The following BCKDHB variants were observed in gnomAD, a reference collection of about 807,000 sequenced individuals.
BCKDHB encodes the protein 2-oxoisovalerate dehydrogenase subunit beta, mitochondrial.
In BCKDHB, 41 loss-of-function variants were observed where a neutral mutation model predicts 48.5. That is an observed-to-expected ratio of 0.85 (90% CI 0.66 to 1.10). BCKDHB has a LOEUF of 1.10. BCKDHB is among the 50% of genes least tolerant of loss of function. The pLI is 0.00. For missense variants in BCKDHB, 496 were observed against 494.2 expected, an observed-to-expected ratio of 1.00 and a Z score of -0.03; for synonymous variants, 201 against 174.8, an observed-to-expected ratio of 1.15 and a Z score of -1.18.
At chr6:80,179,367 G>C (rs759466264) in intron 6 of BCKDHB, among the ~76,000 whole-genome samples, 1 of 152,076 alleles carries the variant, frequency 6.6e-6, no homozygotes, top group Non-Finnish European at 1.5e-5. Context: ...GAAAATATTT[G>C]AAAAAATAAT....
chr6:80,257,952 A>G (rs933672707), intron 8 of BCKDHB, among the ~76,000 whole-genome samples: 1 of 152,056 alleles, frequency 6.6e-6, no homozygotes, highest in African/African-American at 2.4e-5. Context: ...TAACTATTTG[A>G]CACCTCAAAT....
At chr6:80,260,881 A>G (rs1644220921) in intron 8 of BCKDHB, among the ~76,000 whole-genome samples, 1 of 152,214 alleles carries the variant, frequency 6.6e-6, no homozygotes, top group Admixed American at 6.5e-5. Flanking sequence ...TTGGAAAAAA[A>G]AGATCATTTT....
At chr6:80,364,332 G>A in the BCKDHB span, among the ~76,000 whole-genome samples, 1 of 152,266 alleles carries the variant, frequency 6.6e-6, no homozygotes, top group Admixed American at 6.5e-5. Context: ...TGGCAGCCAA[G>A]AGGCCTGCAG....
At chr6:80,389,048 T>A in the BCKDHB span, among the ~76,000 whole-genome samples, 1 of 152,092 alleles carries the variant, frequency 6.6e-6, no homozygotes, top group Non-Finnish European at 1.5e-5. Context: ...GGGGAAGAGA[T>A]ATGTGGATGG....
intron 9 of BCKDHB, among the ~76,000 whole-genome samples, chr6:80,302,527 A>C (rs546096676): frequency 6.6e-6 from 1 of 152,156 alleles, no homozygotes; most frequent in Admixed American, 6.5e-5. Context: ...AACATGAGAC[A>C]TGTTAGAGGA....
At chr6:80,379,577 G>C in the BCKDHB span, among the ~76,000 whole-genome samples, 1 of 151,964 alleles carries the variant, frequency 6.6e-6, no homozygotes, top group African/African-American at 2.4e-5. Flanking sequence ...ATTCAACATA[G>C]TACTGGTAGC....
At chr6:80,419,045 A>T in the BCKDHB span, among the ~76,000 whole-genome samples, 2 of 152,138 alleles carry the variant, frequency 1.3e-5, no homozygotes, top group Non-Finnish European at 2.9e-5. Context: ...TTAGCATCAG[A>T]GCACAGTGCT....
chr6:80,356,962 C>A, the BCKDHB span: 1 of 101,144 alleles, frequency 9.9e-6, no homozygotes, highest in South Asian at 5.4e-4. Flanking sequence ...GCCCCCCCCC[C>A]ACACACACGA....
chr6:80,164,961 G>A (rs79972175), intron 3 of BCKDHB, among the ~76,000 whole-genome samples: 2,347 of 152,272 alleles, frequency 0.015, 28 homozygotes, highest in Non-Finnish European at 0.023. Context: ...TCATGTTGAA[G>A]CACTTTTTGC....
chr6:80,139,638 G>C lies in BCKDHB; in HGVS notation c.343+10409G>C, dbSNP rs546172404. 5.9e-5 allele frequency among the ~76,000 whole-genome samples: 9 copies of C among 152,004 alleles called. No homozygotes were observed. The South Asian group carries it at 1.5e-3, about 25-fold the overall frequency. ...TAGATATGTGGCATTATTTCTGAGG[G>C]CTCTGTTCTGTTCCATTGATCTATG... On this transcript the variant is annotated intron_variant, in intron 3 of 9. Transcript: ENST00000320393.
chr6:80,393,044 GTTTTTTCATAA>G, the BCKDHB span, among the ~76,000 whole-genome samples: 3 of 151,670 alleles, frequency 2.0e-5, no homozygotes, highest in Non-Finnish European at 2.9e-5. Context: ...CCCTGAAAGA[GTTTTTTCATAA>G]TTTTTTCATC....
intron 9 of BCKDHB, among the ~76,000 whole-genome samples, chr6:80,308,882 T>C (rs1768015016): frequency 6.6e-6 from 1 of 151,636 alleles, no homozygotes; most frequent in African/African-American, 2.4e-5. Context: ...CACCCGGCCG[T>C]AGATTTTCTT....
the BCKDHB span, among the ~76,000 whole-genome samples, chr6:80,394,006 T>C: frequency 6.6e-6 from 1 of 152,230 alleles, no homozygotes; most frequent in African/African-American, 2.4e-5. Context: ...ATATTTTTCT[T>C]TTATAATTTG....
intron 3 of BCKDHB, among the ~76,000 whole-genome samples, chr6:80,141,089 C>T (rs572969913): frequency 2.6e-5 from 4 of 152,184 alleles, no homozygotes; most frequent in Admixed American, 6.6e-5. Flanking sequence ...AGTTTATTTG[C>T]GTAGAGGTGT....
intron 9 of BCKDHB, among the ~76,000 whole-genome samples, chr6:80,274,895 A>G (rs1777906306): frequency 6.6e-6 from 1 of 152,006 alleles, no homozygotes; most frequent in Non-Finnish European, 1.5e-5. Flanking sequence ...TCAGGCCCCA[A>G]GAATACATTA....
At chr6:80,229,792 A>G (rs1236639350) in intron 8 of BCKDHB, among the ~76,000 whole-genome samples, 1 of 152,066 alleles carries the variant, frequency 6.6e-6, no homozygotes, top group African/African-American at 2.4e-5. Context: ...TTAGTAAGAA[A>G]TAGCCAGAAA....
chr6:80,127,707 A>C, intron 2 of BCKDHB, 83 bp downstream of exon 2: 7 of 1,221,192 alleles, frequency 5.7e-6, no homozygotes, highest in Non-Finnish European at 8.5e-6. Context: ...TGTGGAGCTC[A>C]ATGGTTAACA....
intron 9 of BCKDHB, 33 bp downstream of exon 9, chr6:80,273,254 T>G: frequency 6.5e-7 from 1 of 1,529,936 alleles, no homozygotes; most frequent in Non-Finnish European, 9.1e-7. Context: ...TTTCAATGCT[T>G]GTGCAATTCC....
intron 6 of BCKDHB, among the ~76,000 whole-genome samples, chr6:80,181,906 A>G (rs776254693): frequency 6.6e-6 from 1 of 152,180 alleles, no homozygotes; most frequent in Non-Finnish European, 1.5e-5. Context: ...GTTTGTACTG[A>G]AAAGTACAAA....
Sources: allele counts gnomAD v4.1 joint callset (sites outside exome capture counted in the v4.1 genomes callset), GRCh38; gene constraint gnomAD v4.1.1; transcripts MANE v1.5; gene names NCBI Gene and HGNC (gene_info 2026-07-23, HGNC 2026-07-21).